PCDHGB2: variants seen among roughly 807,000 people sequenced by gnomAD.
PCDHGB2 encodes protocadherin gamma-B2.
PCDHGB2 carries 55 observed loss-of-function variants against 59.3 expected under a neutral mutation model. The ratio of observed to expected loss-of-function variants is 0.93; its 90% CI spans 0.75 to 1.16. The LOEUF is 1.16. Among genes scored for constraint, PCDHGB2 ranks in the 50% most tolerant of loss-of-function variants. The pLI is 0.00. For missense variants in PCDHGB2, 1,228 were observed against 1,198.5 expected (o/e 1.02, Z -0.36); for synonymous variants, 516 against 512.0 (o/e 1.01, Z -0.11).
intron 1 of PCDHGB2, chr5:141,376,286 A>T: frequency 6.2e-7 from 1 of 1,614,174 alleles, no homozygotes; most frequent in Non-Finnish European, 8.5e-7. Flanking sequence ...CTTAGCGAGC[A>T]TGCCCGGCTC....
chr5:141,399,412 T>C (rs1473017519), intron 1 of PCDHGB2: 3 of 1,613,948 alleles, frequency 1.9e-6, no homozygotes, highest in East Asian at 4.5e-5. Context: ...GCCGCCCCTC[T>C]CCTCCAGCAT....
intron 1 of PCDHGB2, among the ~76,000 whole-genome samples, chr5:141,469,671 A>G (rs1285283342): frequency 1.3e-5 from 2 of 152,236 alleles, no homozygotes; most frequent in Non-Finnish European, 2.9e-5. Flanking sequence ...TTCTAATAAA[A>G]CTACATATGC....
At chr5:141,366,059 C>A (rs772139031) in intron 1 of PCDHGB2, 2 of 1,614,268 alleles carry the variant, frequency 1.2e-6, no homozygotes, top group Admixed American at 1.7e-5. Flanking sequence ...GGGCGTGGAG[C>A]TGGCGCCTCG....
At position 141,433,030 on chromosome 5, in the gene PCDHGB2, T is replaced by C. The variant is rs116611363; in HGVS notation, c.2422-61777T>C. ...TCCTGCAGACCTATTCCCACGAGGTTTCCCTCACCACGGACTCGCGGAAGA... is the reference window on the plus strand; with the variant it reads ...TCCTGCAGACCTATTCCCACGAGGTCTCCCTCACCACGGACTCGCGGAAGA... On this transcript the variant is annotated intron_variant, in intron 1 of 3. Transcript: ENST00000522605. 10,352 of 1,614,096 alleles carry C rather than the reference T, an allele frequency of 6.4e-3. 43 individuals are homozygous for C. The highest frequency in any genetic ancestry group is 8.6e-3 in the Middle Eastern group (52 of 6,062).
intron 2 of PCDHGB2, among the ~76,000 whole-genome samples, chr5:141,504,036 G>T (rs1472706342): frequency 6.6e-6 from 1 of 152,080 alleles, no homozygotes; most frequent in African/African-American, 2.4e-5. Flanking sequence ...ACTCATTTAG[G>T]CAACAAATAT....
chr5:141,377,373 A>G (rs1416774435), intron 1 of PCDHGB2: 1 of 152,200 alleles, frequency 6.6e-6, no homozygotes, highest in Non-Finnish European at 1.5e-5. Context: ...CAGGAGGCTG[A>G]GGCAGGAGGA....
intron 1 of PCDHGB2, chr5:141,392,953 A>T: frequency 6.2e-7 from 1 of 1,613,924 alleles, no homozygotes; most frequent in Non-Finnish European, 8.5e-7. Context: ...TTCGTGGGTA[A>T]TATCTCCAAG....
intron 1 of PCDHGB2, among the ~76,000 whole-genome samples, chr5:141,438,211 A>G (rs767576436): frequency 7.8e-4 from 119 of 152,308 alleles, no homozygotes; most frequent in Admixed American, 2.3e-3. Context: ...CCATATGGGA[A>G]GGGCTCTGGT....
chr5:141,430,629 C>A, intron 1 of PCDHGB2: 1 of 812,246 alleles, frequency 1.2e-6, no homozygotes. Context: ...AGGAATGAAC[C>A]ATCCCTGGGA....
chr5:141,408,309 C>G, intron 1 of PCDHGB2: 1 of 1,613,816 alleles, frequency 6.2e-7, no homozygotes, highest in South Asian at 1.1e-5. Context: ...ATCCGCTACT[C>G]GATTCCGGAG....
At chr5:141,394,303 AG>A in intron 1 of PCDHGB2, 2 of 1,613,924 alleles carry the variant, frequency 1.2e-6, no homozygotes, top group East Asian at 2.2e-5. Context: ...GACACGCTGC[AG>A]GGGGCGCCCC....
chr5:141,438,621 TATATATATATATATACACACAC>T (rs2098027070), intron 1 of PCDHGB2, among the ~76,000 whole-genome samples: 1 of 41,368 alleles, frequency 2.4e-5, no homozygotes, highest in Non-Finnish European at 4.0e-5. Flanking sequence ...TATATATATA[TATATATATATATATACACACAC>T]ACACACACAT....
At position 141,403,340 on chromosome 5, in the gene PCDHGB2, G is replaced by GC. The variant is rs1435471755; in HGVS notation, c.2421+40788dup. The GC allele has an allele frequency of 5.6e-6, 9 of 1,613,982 alleles. No homozygotes were observed. In the South Asian group the frequency reaches 9.9e-5, roughly 18 times the overall value. ...AGAAGTAACTGATATTAACGACAGCGCCCCAAAGTTCCAGGCCGAAAGTCT... is the reference window on the plus strand; with the variant it reads ...AGAAGTAACTGATATTAACGACAGCGCCCCCAAAGTTCCAGGCCGAAAGTCT... On this transcript the variant is annotated intron_variant, in intron 1 of 3. Transcript: ENST00000522605.
intron 1 of PCDHGB2, chr5:141,393,536 T>G: frequency 6.2e-7 from 1 of 1,613,934 alleles, no homozygotes; most frequent in South Asian, 1.1e-5. Flanking sequence ...ATGCCCCGGT[T>G]TTTCCTCACC....
rs756971733 is a variant in PCDHGB2 at position 141,375,686 on chromosome 5, A to G, written c.2421+13130A>G. On this transcript the variant is annotated intron_variant, in intron 1 of 3. Coordinates refer to ENST00000522605, the MANE Select transcript of PCDHGB2 (RefSeq NM_018923.3). Reference sequence around the variant, plus strand: ...AGACCTACAGCTGTGGGTGACAGCCAGCGACAGCGGGGACCCGCCTCTTAG... The same window carrying G: ...AGACCTACAGCTGTGGGTGACAGCCGGCGACAGCGGGGACCCGCCTCTTAG... 1.9e-6 allele frequency: 3 copies of G among 1,614,122 alleles called. No individual in the cohort carries two copies. Among genetic ancestry groups the G allele is most frequent in the East Asian group, 2.2e-5 (1 of 44,894 alleles).
In PCDHGB2 at chr5:141,366,106, A is replaced by G. The variant is rs375843095; in HGVS notation, c.2421+3550A>G. On this transcript the variant is annotated intron_variant, in intron 1 of 3. Coordinates refer to ENST00000522605, the MANE Select transcript of PCDHGB2 (RefSeq NM_018923.3). ...CTGGCTACCTGGTGACCAAGGTGGTAGCGGTGGACAAAGATTCAGGCCAGA... is the reference window on the plus strand; with the variant it reads ...CTGGCTACCTGGTGACCAAGGTGGTGGCGGTGGACAAAGATTCAGGCCAGA... 739 of 1,614,224 alleles carry G rather than the reference A, an allele frequency of 4.6e-4. No homozygotes were observed. In the Middle Eastern group the frequency reaches 5.3e-3, roughly 12 times the overall value.
intron 1 of PCDHGB2, chr5:141,409,350 G>T: frequency 6.2e-7 from 1 of 1,613,922 alleles, no homozygotes; most frequent in Non-Finnish European, 8.5e-7. Context: ...GGAGAAGTCA[G>T]GTGTAATATA....
chr5:141,398,868 CAG>C, intron 1 of PCDHGB2: 1 of 1,613,982 alleles, frequency 6.2e-7, no homozygotes, highest in Non-Finnish European at 8.5e-7. Flanking sequence ...GAGACGTGTA[CAG>C]AGTCAGCCTT....
chr5:141,361,038 C>G lies in PCDHGB2; in HGVS notation c.903C>G (p.Ile301Met). The G allele has an allele frequency of 6.2e-7, 1 of 1,613,384 alleles. No individual in the cohort carries two copies. The highest frequency in any genetic ancestry group is 8.5e-7 in the Non-Finnish European group (1 of 1,179,568). ...FFNLNEKTGE[I>M]TTKDDLDFEI... is the part of the protein sequence containing the mutation. ...ACTTAAATGAAAAAACAGGAGAAAT[C>G]ACGACAAAGGATGATTTGGATTTTG... Residue 301 changes from isoleucine (I) to methionine (M), a missense_variant, in exon 1 of 4, where the codon ATC becomes ATG. Around this residue, in one of 3 missense-constraint regions of PCDHGB2, gnomAD observed 781 missense variants for 721.6 expected, o/e 1.08. Transcript: ENST00000522605.
Sources: gnomAD v4.1 joint callset for allele counts (sites outside exome capture counted in the v4.1 genomes callset) on GRCh38, gnomAD v4.1.1 for gene constraint, gnomAD v4.1.1 regional missense constraint, MANE v1.5 for transcripts, NCBI Gene and HGNC (gene_info 2026-07-23, HGNC 2026-07-21) for gene names.